Variants in DPYSL5 observed in about 807,000 individuals in gnomAD.
DPYSL5 encodes dihydropyrimidinase-related protein 5.
DPYSL5 carries 9 observed loss-of-function variants against 58.4 expected under a neutral mutation model. That is an observed-to-expected ratio of 0.15 (90% CI 0.09 to 0.27). DPYSL5 has a LOEUF of 0.27. DPYSL5 is among the 10% of genes least tolerant of loss of function. The probability of loss-of-function intolerance (pLI) is 1.00; values close to 1 mark genes in which losing one functional copy is unlikely to be tolerated. For synonymous variants in DPYSL5, 293 were observed against 301.9 expected (o/e 0.97, Z 0.31); for missense variants, 499 against 770.6 (o/e 0.65, Z 4.17).
At chr2:26,888,321 G>A (rs1165125812) in intron 1 of DPYSL5, among the ~76,000 whole-genome samples, 2 of 148,040 alleles carry the variant, frequency 1.4e-5, no homozygotes, top group Non-Finnish European at 3.0e-5. Context: ...AGGCTGGAGT[G>A]CAGTAGTAGT....
At chr2:26,873,834 C>T (rs1663334847) in intron 1 of DPYSL5, among the ~76,000 whole-genome samples, 1 of 152,186 alleles carries the variant, frequency 6.6e-6, no homozygotes, top group Non-Finnish European at 1.5e-5. Flanking sequence ...GACTCAACTG[C>T]TAATCTCTTC....
Position 26,898,602 on chromosome 2 carries a change from A to G in DPYSL5, c.103A>G (p.Ile35Val). ...EADVYIENGI[I>V]QQVGRELMIP... ...TGACGTCTACATCGAGAATGGCATC[A>G]TCCAGCAGGTGGGCCGCGAGCTCAT... The change falls in exon 2 of 13, where the codon ATC becomes GTC. Residue 35 changes from isoleucine to valine, a missense_variant. Coordinates refer to ENST00000288699, the MANE Select transcript of DPYSL5 (RefSeq NM_020134.4). The surrounding 1 kb of genome is among the most constrained non-coding windows in gnomAD (Gnocchi z 6.1). 2 of 1,614,208 alleles carry G rather than the reference A, an allele frequency of 1.2e-6. No individual in the cohort carries two copies. Among genetic ancestry groups the G allele is most frequent in the Non-Finnish European group, 1.7e-6 (2 of 1,180,038 alleles).
chr2:26,940,941 A>T (rs11683547), intron 9 of DPYSL5, among the ~76,000 whole-genome samples: 70,016 of 142,066 alleles, frequency 0.49, 17,878 homozygotes, highest in East Asian at 0.65. Flanking sequence ...ATTATTATTT[A>T]TTTTTTTTTG....
At chr2:26,855,977 A>G (rs1331445771) in intron 1 of DPYSL5, among the ~76,000 whole-genome samples, 3 of 152,160 alleles carry the variant, frequency 2.0e-5, no homozygotes, top group Non-Finnish European at 2.9e-5. Flanking sequence ...TTTCAACCTT[A>G]ATGAAGTTAC....
chr2:26,902,305 T>C (rs1664178901), intron 2 of DPYSL5, among the ~76,000 whole-genome samples: 1 of 151,940 alleles, frequency 6.6e-6, no homozygotes, highest in Non-Finnish European at 1.5e-5. Context: ...CTTTCATATG[T>C]ATCTAGTATT....
chr2:26,934,786 G>C lies in DPYSL5; in HGVS notation c.947+52G>C. On this transcript the variant is annotated intron_variant, in intron 8 of 12. Coordinates refer to ENST00000288699, the MANE Select transcript of DPYSL5 (RefSeq NM_020134.4). The surrounding 1 kb of genome is among the most constrained non-coding windows in gnomAD (Gnocchi z 4.3). ...GGGATGTGTACATCTTTAGGAAGACGTCATAGAGGGCCCAGGAAACAAATC... is the reference window on the plus strand; with the variant it reads ...GGGATGTGTACATCTTTAGGAAGACCTCATAGAGGGCCCAGGAAACAAATC... The C allele has an allele frequency of 6.3e-7, 1 of 1,594,628 alleles. No individual in the cohort carries two copies. The highest frequency in any genetic ancestry group is 8.6e-7 in the Non-Finnish European group (1 of 1,168,328).
At chr2:26,908,238 GGAACT>G (rs1348607848) in intron 2 of DPYSL5, among the ~76,000 whole-genome samples, 4 of 152,164 alleles carry the variant, frequency 2.6e-5, no homozygotes, top group African/African-American at 9.7e-5. Context: ...GCATCAAATA[GGAACT>G]GAAAGAACTG....
chr2:26,937,649 C>T (rs1030782708), intron 8 of DPYSL5, among the ~76,000 whole-genome samples: 1 of 151,136 alleles, frequency 6.6e-6, no homozygotes, highest in South Asian at 2.1e-4. Flanking sequence ...TTTTTTCAGA[C>T]AGGGTCTGGC....
intron 2 of DPYSL5, among the ~76,000 whole-genome samples, chr2:26,907,123 T>TA (rs1664315327): frequency 6.6e-6 from 1 of 151,354 alleles, no homozygotes; most frequent in African/African-American, 2.4e-5. Context: ...TTTATTTATT[T>TA]TATTTTTTTG....
intron 1 of DPYSL5, among the ~76,000 whole-genome samples, chr2:26,854,108 A>G (rs1665820831): frequency 6.6e-6 from 1 of 152,186 alleles, no homozygotes; most frequent in African/African-American, 2.4e-5. Flanking sequence ...CTTCACAGCA[A>G]CATTTAGATG....
chr2:26,944,709 TGTC>T lies in DPYSL5; in HGVS notation c.1497_1499del (p.Val500del). 3 of 1,614,120 alleles carry T rather than the reference TGTC, an allele frequency of 1.9e-6. No individual in the cohort carries two copies. The highest frequency in any genetic ancestry group is 2.5e-6 in the Non-Finnish European group (3 of 1,180,002). On this transcript the variant is annotated inframe_deletion, in exon 12 of 13. Transcript: ENST00000288699. The surrounding 1 kb of genome is among the most constrained non-coding windows in gnomAD (Gnocchi z 4.4). ...CTCCCTACCTGGGGGATGTCGCTGT[TGTC>T]GTGCACCCTGGGAAAAAAGAGATGG...
Position 26,933,435 on chromosome 2 carries a change from C to T in DPYSL5, c.790+102C>T, listed in dbSNP as rs1328657889. The T allele has an allele frequency of 9.0e-7, 1 of 1,105,428 alleles. No individual in the cohort carries two copies. The highest frequency in any genetic ancestry group is 1.5e-5 in the African/African-American group (1 of 65,298). The allele number at this position is 1,105,428 out of a possible 1,614,324, so 68.5% of individuals were successfully genotyped here. A position where few individuals can be genotyped will look rare whatever the true frequency, so the allele number is the denominator to read the frequency against. On this transcript the variant is annotated intron_variant, in intron 7 of 12. Coordinates refer to ENST00000288699, the MANE Select transcript of DPYSL5 (RefSeq NM_020134.4). The surrounding 1 kb of genome is among the most constrained non-coding windows in gnomAD (Gnocchi z 4.2). Reference sequence around the variant, plus strand: ...CACTCCTGGCCCCGGCTCCTGAAACCAGGACCTGAGCCAGCCCTTCCCTTT... The same window carrying T: ...CACTCCTGGCCCCGGCTCCTGAAACTAGGACCTGAGCCAGCCCTTCCCTTT...
chr2:26,868,922 T>A (rs1305608941), intron 1 of DPYSL5, among the ~76,000 whole-genome samples: 1 of 152,146 alleles, frequency 6.6e-6, no homozygotes, highest in Non-Finnish European at 1.5e-5. Context: ...TCTGCTTGGA[T>A]CCTATTTTTT....
At chr2:26,893,894 A>G (rs1663950453) in intron 1 of DPYSL5, among the ~76,000 whole-genome samples, 1 of 152,128 alleles carries the variant, frequency 6.6e-6, no homozygotes, top group Non-Finnish European at 1.5e-5. Context: ...ACACACTGCA[A>G]TGGCGTAATC....
chr2:26,936,083 T>G (rs1289279148), intron 8 of DPYSL5, among the ~76,000 whole-genome samples: 1 of 152,162 alleles, frequency 6.6e-6, no homozygotes, highest in Admixed American at 6.5e-5. Context: ...CCTCTTGAAG[T>G]ATGCCCTCCT....
chr2:26,932,081 GAAAAGAAA>G (rs1463644946), intron 6 of DPYSL5, among the ~76,000 whole-genome samples: 10 of 70,660 alleles, frequency 1.4e-4, no homozygotes, highest in South Asian at 1.0e-3. Context: ...AAGAAAGAAA[GAAAAGAAA>G]AAAGAAAGAG....
At position 26,934,085 on chromosome 2, in the gene DPYSL5, G is replaced by A. The variant is rs984627251; in HGVS notation, c.791-493G>A. Among the ~76,000 whole-genome samples, 2 of 151,994 alleles carry A rather than the reference G, an allele frequency of 1.3e-5. No individual in the cohort carries two copies. Among genetic ancestry groups the A allele is most frequent in the African/African-American group, 2.4e-5 (1 of 41,340 alleles). On this transcript the variant is annotated intron_variant, in intron 7 of 12. Coordinates refer to ENST00000288699, the MANE Select transcript of DPYSL5 (RefSeq NM_020134.4). The surrounding 1 kb of genome is among the most constrained non-coding windows in gnomAD (Gnocchi z 4.3). ...CTTGGAGGGTCTCGCCTAGACTGTCGTCCCAGCCTGGTGACTGCTCCCACC... is the reference window on the plus strand; with the variant it reads ...CTTGGAGGGTCTCGCCTAGACTGTCATCCCAGCCTGGTGACTGCTCCCACC...
At chr2:26,915,793 G>T (rs1664548632) in intron 2 of DPYSL5, among the ~76,000 whole-genome samples, 1 of 152,098 alleles carries the variant, frequency 6.6e-6, no homozygotes. Context: ...CAAAGGACCT[G>T]TGCTTCCTCA....
At chr2:26,854,225 G>A (rs771033792) in intron 1 of DPYSL5, among the ~76,000 whole-genome samples, 84 of 152,202 alleles carry the variant, frequency 5.5e-4, no homozygotes, top group South Asian at 8.3e-4. Flanking sequence ...TTGGGAGGTC[G>A]AGGCAGGAAG....
Sources: gnomAD v4.1 joint callset for allele counts (sites outside exome capture counted in the v4.1 genomes callset) on GRCh38, gnomAD v4.1.1 for gene constraint, Gnocchi (gnomAD v3.1) non-coding constraint, MANE v1.5 for transcripts, NCBI Gene and HGNC (gene_info 2026-07-23, HGNC 2026-07-21) for gene names.